Variants in GABRG3 observed in about 807,000 individuals in gnomAD.
The protein encoded by GABRG3 is gamma-aminobutyric acid type A receptor subunit gamma3.
A neutral mutation model predicts 48.8 loss-of-function variants in GABRG3; 25 were observed. That is an observed-to-expected ratio of 0.51 (90% CI 0.37 to 0.72). The LOEUF (loss-of-function observed/expected upper bound fraction) is 0.72. Among genes scored for constraint, GABRG3 ranks in the 30% least tolerant of loss-of-function variants. The pLI is 0.00. For synonymous variants in GABRG3, 227 were observed against 217.6 expected (o/e 1.04, Z -0.38); for missense variants, 394 against 577.9 (o/e 0.68, Z 3.26).
intron 5 of GABRG3, among the ~76,000 whole-genome samples, chr15:27,388,926 C>G (rs1384197322): frequency 1.3e-5 from 2 of 152,130 alleles, no homozygotes; most frequent in African/African-American, 4.8e-5. Context: ...TAACCCATGC[C>G]TGGTTCTGAT....
chr15:27,395,918 T>G (rs1272236460), intron 5 of GABRG3, among the ~76,000 whole-genome samples: 1 of 152,130 alleles, frequency 6.6e-6, no homozygotes, highest in Non-Finnish European at 1.5e-5. Context: ...TGGAGTGCAG[T>G]GGCATGATCA....
At chr15:27,363,764 G>A (rs1291082198) in intron 5 of GABRG3, 2 of 152,162 alleles carry the variant, frequency 1.3e-5, no homozygotes, top group Non-Finnish European at 2.9e-5. Flanking sequence ...AGTCATGCAT[G>A]AGTTATTAGT....
chr15:27,100,714 GA>G (rs923452909), intron 3 of GABRG3, among the ~76,000 whole-genome samples: 12 of 151,630 alleles, frequency 7.9e-5, no homozygotes, highest in Non-Finnish European at 1.5e-4. Context: ...ACAGGCAAAA[GA>G]AAAAAAATCA....
intron 3 of GABRG3, among the ~76,000 whole-genome samples, chr15:27,222,833 A>G (rs1036123519): frequency 5.9e-5 from 9 of 152,180 alleles, no homozygotes; most frequent in South Asian, 4.1e-4. Context: ...TCTCCTGGGA[A>G]TGGTTCCCCA....
rs1377080195 is a variant in GABRG3, at chr15:27,248,803, C to CACACAG, written c.271-78005_271-78004insCACAGA. Among the ~76,000 whole-genome samples the CACACAG allele has an allele frequency of 1.2e-3, 137 of 110,212 alleles. 1 individual carries two copies. The highest frequency in any genetic ancestry group is 4.1e-3 in the African/African-American group (106 of 25,634). 72.3% of individuals were successfully genotyped at this position (110,212 alleles called of 152,430 possible). A position where few individuals can be genotyped will look rare whatever the true frequency, so the allele number is the denominator to read the frequency against. ...ACACACACACACACACACACACACA[C>CACACAG]AGAGAGAGAGAGAGAGAGAGAGAGA... On this transcript the variant is annotated intron_variant, in intron 3 of 9. Transcript: ENST00000615808.
chr15:27,042,216 C>A (rs950680865), intron 3 of GABRG3, among the ~76,000 whole-genome samples: 1 of 152,138 alleles, frequency 6.6e-6, no homozygotes, highest in African/African-American at 2.4e-5. Context: ...CAGAGAATTC[C>A]GGTTGAGAAG....
chr15:27,158,174 G>C (rs1215746522), intron 3 of GABRG3: 1 of 152,174 alleles, frequency 6.6e-6, no homozygotes, highest in African/African-American at 2.4e-5. Context: ...AATAAGACCT[G>C]AGTTGAAAGC....
At chr15:27,371,919 A>T (rs192847835) in intron 5 of GABRG3, among the ~76,000 whole-genome samples, 315 of 152,338 alleles carry the variant, frequency 2.1e-3, no homozygotes, top group African/African-American at 7.1e-3. Context: ...AGATAGGTTA[A>T]AAACAAAGTG....
At chr15:26,992,168 A>T (rs1021657063) in intron 2 of GABRG3, among the ~76,000 whole-genome samples, 1 of 152,234 alleles carries the variant, frequency 6.6e-6, no homozygotes, top group African/African-American at 2.4e-5. Flanking sequence ...AGATCATATC[A>T]TCTTTACACC....
At chr15:27,054,008 T>C (rs577806080) in intron 3 of GABRG3, among the ~76,000 whole-genome samples, 147 of 152,088 alleles carry the variant, frequency 9.7e-4, no homozygotes, top group Middle Eastern at 3.4e-3. Context: ...ACGCCTCTAA[T>C]CCCTGCACTT....
intron 5 of GABRG3, among the ~76,000 whole-genome samples, chr15:27,418,560 C>T (rs1027406881): frequency 2.0e-5 from 3 of 152,192 alleles, no homozygotes; most frequent in Non-Finnish European, 2.9e-5. Context: ...AAGCCACCCC[C>T]GGCCACAGGC....
intron 2 of GABRG3, among the ~76,000 whole-genome samples, chr15:26,999,147 A>C (rs1367144648): frequency 6.6e-6 from 1 of 151,892 alleles, no homozygotes; most frequent in African/African-American, 2.4e-5. Flanking sequence ...AAAAAAACAC[A>C]ATGAAAAATA....
intron 6 of GABRG3, among the ~76,000 whole-genome samples, chr15:27,514,407 C>G (rs1890970601): frequency 6.6e-6 from 1 of 152,174 alleles, no homozygotes; most frequent in Non-Finnish European, 1.5e-5. Context: ...AATTTCCAAA[C>G]TCAAGTTGTG....
intron 2 of GABRG3, among the ~76,000 whole-genome samples, chr15:26,994,303 A>C (rs1895300742): frequency 6.6e-6 from 1 of 150,470 alleles, no homozygotes; most frequent in Non-Finnish European, 1.5e-5. Context: ...TCTTTTAGTG[A>C]GTGTGGTTTT....
chr15:27,085,590 G>A (rs1897062216), intron 3 of GABRG3, among the ~76,000 whole-genome samples: 1 of 152,134 alleles, frequency 6.6e-6, no homozygotes, highest in Admixed American at 6.5e-5. Flanking sequence ...GTAGAAGGTT[G>A]CTGTTTTCCC....
intron 3 of GABRG3, among the ~76,000 whole-genome samples, chr15:27,304,488 C>T (rs1178362597): frequency 2.6e-5 from 4 of 151,970 alleles, no homozygotes; most frequent in Admixed American, 2.6e-4. Context: ...GTCAGTGTGT[C>T]AGTGGAGCAG....
chr15:27,211,484 A>T (rs1889079811), intron 3 of GABRG3, among the ~76,000 whole-genome samples: 1 of 152,252 alleles, frequency 6.6e-6, no homozygotes, highest in Non-Finnish European at 1.5e-5. Context: ...TACAGTTTTT[A>T]AAAATGTATC....
At chr15:27,040,242 A>G (rs1476332426) in intron 3 of GABRG3, among the ~76,000 whole-genome samples, 1 of 152,228 alleles carries the variant, frequency 6.6e-6, no homozygotes, top group African/African-American at 2.4e-5. Flanking sequence ...ACAGAAACCA[A>G]TCTGACTGTA....
In GABRG3 at chr15:27,491,447, T is replaced by C. The variant is rs577438753; in HGVS notation, c.712+10660T>C. Among the ~76,000 whole-genome samples the C allele has an allele frequency of 2.6e-5, 4 of 152,344 alleles. No homozygotes were observed. The East Asian group carries it at 7.7e-4, about 29-fold the overall frequency. ...AACTCAAAGTTTACATCTTTCTTCC[T>C]GTCCGTAGGGGGTTTCCTTGAGTAT... On this transcript the variant is annotated intron_variant, in intron 6 of 9. Coordinates refer to ENST00000615808, the MANE Select transcript of GABRG3 (RefSeq NM_033223.5).
Sources: allele counts gnomAD v4.1 joint callset (sites outside exome capture counted in the v4.1 genomes callset), GRCh38; gene constraint gnomAD v4.1.1; transcripts MANE v1.5; gene names NCBI Gene and HGNC (gene_info 2026-07-23, HGNC 2026-07-21).